ITPR2: variants seen among roughly 807,000 people sequenced by gnomAD.
ITPR2 encodes inositol 1,4,5-trisphosphate-gated calcium channel ITPR2.
A neutral mutation model predicts 317.1 loss-of-function variants in ITPR2; 207 were observed. That is an observed-to-expected ratio of 0.65 (90% CI 0.58 to 0.73). ITPR2 has a LOEUF of 0.73. ITPR2 is among the 30% of genes least tolerant of loss of function. The probability of loss-of-function intolerance (pLI) is 0.00; values close to 1 mark genes in which losing one functional copy is unlikely to be tolerated. For synonymous variants in ITPR2, 1,156 were observed against 1,149.1 expected (o/e 1.01, Z -0.12); for missense variants, 2,613 against 3,284.0 (o/e 0.80, Z 4.99).
Position 26,556,242 on chromosome 12 carries a change from A to G in ITPR2, c.4955T>C (p.Phe1652Ser). 1 of 1,613,516 alleles carries G rather than the reference A, an allele frequency of 6.2e-7. No individual in the cohort carries two copies. The highest frequency in any genetic ancestry group is 8.5e-7 in the Non-Finnish European group (1 of 1,179,790). The change falls in exon 36 of 57, where the codon TTC (phenylalanine) becomes TCC (serine). Residue 1652 changes from phenylalanine to serine, a missense_variant. Physicochemically the swap from Phe to Ser is radical, Grantham distance 155. This residue lies in a region of ITPR2 where 926 missense variants were observed against 1,072.8 expected (regional missense o/e 0.86). Coordinates refer to ENST00000381340, the MANE Select transcript of ITPR2 (RefSeq NM_002223.4). ...GATTGGATCCACTTACTTCGACATG[A>G]AAGCGCCACATCTTATTCTTGCATC... Reference protein sequence around the residue: ...GSDARIRCGAFMSKLINHTKK... With the variant: ...GSDARIRCGASMSKLINHTKK...
chr12:26,345,878 A>G (rs1011312679), intron 55 of ITPR2, among the ~76,000 whole-genome samples: 20 of 152,210 alleles, frequency 1.3e-4, no homozygotes, highest in African/African-American at 4.8e-4. Flanking sequence ...CTAACAAAGC[A>G]GTTTGATTTA....
intron 2 of ITPR2, among the ~76,000 whole-genome samples, chr12:26,777,338 G>T (rs1251123960): frequency 1.3e-5 from 2 of 152,172 alleles, no homozygotes; most frequent in East Asian, 3.9e-4. Flanking sequence ...AAACAGATTT[G>T]TGAGGGCAGC....
At position 26,621,255 on chromosome 12, in the gene ITPR2, C is replaced by T. The variant is rs1473441435; in HGVS notation, c.3330G>A (p.Lys1110=). Residue 1110 remains lysine, a synonymous_variant, in exon 26 of 57, where the codon AAG becomes AAA. Coordinates refer to ENST00000381340, the MANE Select transcript of ITPR2 (RefSeq NM_002223.4). Reference sequence around the variant, plus strand: ...GCTGGTCTAGATCTGCCTTGATTTGCTTGTAGTTATCTACGTCTTGATTAG... The same window carrying T: ...GCTGGTCTAGATCTGCCTTGATTTGTTTGTAGTTATCTACGTCTTGATTAG... ...LVSNQDVDNY[K]QIKADLDQLR... is the part of the protein sequence containing the mutation. 7 of 1,613,234 alleles carry T rather than the reference C, an allele frequency of 4.3e-6. No homozygotes were observed. The highest frequency in any genetic ancestry group is 3.4e-6 in the Non-Finnish European group (4 of 1,179,604).
At chr12:26,761,223 G>A (rs569376674) in intron 2 of ITPR2, among the ~76,000 whole-genome samples, 14 of 152,362 alleles carry the variant, frequency 9.2e-5, no homozygotes, top group Admixed American at 8.5e-4. Flanking sequence ...CTCAAGGACT[G>A]TATCAGCAAT....
At chr12:26,718,327 A>C (rs1170068258) in intron 5 of ITPR2, among the ~76,000 whole-genome samples, 2 of 152,060 alleles carry the variant, frequency 1.3e-5, no homozygotes, top group Non-Finnish European at 2.9e-5. Flanking sequence ...TCTGTGCCAT[A>C]TAAATCCTAG....
intron 2 of ITPR2, among the ~76,000 whole-genome samples, chr12:26,746,544 A>C (rs970199047): frequency 2.6e-5 from 4 of 152,194 alleles, no homozygotes; most frequent in African/African-American, 7.2e-5. Flanking sequence ...TGTCTTTCTC[A>C]AAGGAATCTG....
At chr12:26,449,273 T>C (rs1640941841) in intron 45 of ITPR2, among the ~76,000 whole-genome samples, 1 of 152,194 alleles carries the variant, frequency 6.6e-6, no homozygotes, top group African/African-American at 2.4e-5. Context: ...TGTATTACAA[T>C]ACAATGCCTT....
At chr12:26,740,744 CTTTT>C (rs1565730759) in intron 2 of ITPR2, among the ~76,000 whole-genome samples, 1 of 152,164 alleles carries the variant, frequency 6.6e-6, no homozygotes, top group African/African-American at 2.4e-5. Flanking sequence ...CTAGACAAAA[CTTTT>C]TTGTCTTCCC....
intron 55 of ITPR2, among the ~76,000 whole-genome samples, chr12:26,375,703 C>T (rs1272461135): frequency 1.3e-5 from 2 of 152,214 alleles, no homozygotes. Flanking sequence ...ATAGCCTTAC[C>T]TAAATCTGTG....
Position 26,430,281 on chromosome 12 carries a change from T to C in ITPR2, c.6770-2193A>G, listed in dbSNP as rs542285194. Among the ~76,000 whole-genome samples the C allele has an allele frequency of 2.6e-5, 4 of 152,312 alleles. No homozygotes were observed. In the East Asian group the frequency reaches 5.8e-4, roughly 22 times the overall value. On this transcript the variant is annotated intron_variant, in intron 48 of 56. Coordinates refer to ENST00000381340, the MANE Select transcript of ITPR2 (RefSeq NM_002223.4). ...AAACTCTAGAGAAGACAGTACAGAT[T>C]TTCTTTGAGTCTTGCTCTGTCACCC...
Position 26,759,124 on chromosome 12 carries a change from T to C in ITPR2, c.163+31033A>G, listed in dbSNP as rs145434588. Among the ~76,000 whole-genome samples the C allele has an allele frequency of 1.4e-3, 216 of 152,320 alleles. 2 individuals are homozygous for C. Among genetic ancestry groups the C allele is most frequent in the African/African-American group, 4.8e-3 (199 of 41,568 alleles). ...ACTTCAGAAATAAATGAATGATACA[T>C]GCACATAAATTCTCACCGTTTCAAA... On this transcript the variant is annotated intron_variant, in intron 2 of 56. Coordinates refer to ENST00000381340, the MANE Select transcript of ITPR2 (RefSeq NM_002223.4).
chr12:26,701,252 A>G (rs986031481), intron 9 of ITPR2, among the ~76,000 whole-genome samples: 2 of 152,258 alleles, frequency 1.3e-5, no homozygotes, highest in Admixed American at 1.3e-4. Flanking sequence ...AGCAAGAAGC[A>G]GACCGTAAGT....
At position 26,487,141 on chromosome 12, in the gene ITPR2, A is replaced by AATT; in HGVS notation, c.5480_5481insAAT (p.Val1827_Asn1828insIle). The AATT allele has an allele frequency of 6.2e-7, 1 of 1,613,524 alleles. No individual in the cohort carries two copies. On this transcript the variant is annotated inframe_insertion, in exon 40 of 57. Transcript: ENST00000381340. ...TTTTGTTACCTAAATCTATGGTATT[A>AATT]ACTGTCACTGTTGATCTTATTTCTT...
chr12:26,534,058 GC>G (rs1944017618), intron 37 of ITPR2, among the ~76,000 whole-genome samples: 3 of 152,102 alleles, frequency 2.0e-5, no homozygotes, highest in South Asian at 4.1e-4. Context: ...GATCCAGAGG[GC>G]CACTGCTTGA....
intron 2 of ITPR2, among the ~76,000 whole-genome samples, chr12:26,730,352 C>T (rs1358258183): frequency 6.6e-6 from 1 of 152,150 alleles, no homozygotes; most frequent in Non-Finnish European, 1.5e-5. Flanking sequence ...CTTCTAAACT[C>T]TCTAGTATTC....
chr12:26,388,017 G>T (rs956279180), intron 54 of ITPR2, among the ~76,000 whole-genome samples: 1 of 152,180 alleles, frequency 6.6e-6, no homozygotes, highest in South Asian at 2.1e-4. Flanking sequence ...TTAAAAGAGG[G>T]AAAGAATTGA....
At chr12:26,807,197 CA>C (rs911078537) in intron 1 of ITPR2, among the ~76,000 whole-genome samples, 1 of 145,480 alleles carries the variant, frequency 6.9e-6, no homozygotes, top group African/African-American at 2.5e-5. Context: ...TCAAAAAAAA[CA>C]AAAAAGAAGA....
At chr12:26,711,737 C>T (rs1948645431) in intron 8 of ITPR2, among the ~76,000 whole-genome samples, 1 of 152,122 alleles carries the variant, frequency 6.6e-6, no homozygotes, top group Admixed American at 6.5e-5. Context: ...AGAAACAACA[C>T]AGGGGAAGTA....
chr12:26,485,954 A>T, intron 41 of ITPR2, 150 bp downstream of exon 41: 1 of 844,546 alleles, frequency 1.2e-6, no homozygotes, highest in Non-Finnish European at 1.8e-6. Flanking sequence ...CACTGATACC[A>T]AAGTTTCTTC....
Sources: gnomAD v4.1 joint callset for allele counts (sites outside exome capture counted in the v4.1 genomes callset) on GRCh38, gnomAD v4.1.1 for gene constraint, gnomAD v4.1.1 regional missense constraint, MANE v1.5 for transcripts, NCBI Gene and HGNC (gene_info 2026-07-23, HGNC 2026-07-21) for gene names.